Variants in CTF1 observed in about 807,000 individuals in gnomAD.
The protein encoded by CTF1 is cardiotrophin 1.
A neutral mutation model predicts 10.9 loss-of-function variants in CTF1; 9 were observed. That is an observed-to-expected ratio of 0.83 (90% CI 0.50 to 1.44). CTF1 has a LOEUF of 1.44. Ranked by LOEUF, CTF1 falls within the 40% of genes most tolerant of loss-of-function variation. The pLI is 0.00. For synonymous variants in CTF1, 133 were observed against 138.8 expected (o/e 0.96, Z 0.29); for missense variants, 259 against 275.3 (o/e 0.94, Z 0.42).
chr16:30,902,393 C>G lies in CTF1; in HGVS notation c.460C>G (p.Pro154Ala), dbSNP rs2055411012. 1 of 1,248,800 alleles carries G rather than the reference C, an allele frequency of 8.0e-7. No homozygotes were observed. Among genetic ancestry groups the G allele is most frequent in the Non-Finnish European group, 1.0e-6 (1 of 996,522 alleles). 77.4% of individuals were successfully genotyped at this position (1,248,800 alleles called of 1,614,324 possible). ...CGCCAACCGCGGGCCCCGGGCCGAG[C>G]CCCCCGCCGCCACCGCCTCAGCCGC... ...GAANRGPRAE[P>A]PAATASAASA... The change falls in exon 3 of 3, where the codon CCC becomes GCC. Residue 154 changes from proline (P) to alanine (A), a missense_variant. Pro to Ala is a conservative substitution (Grantham distance 27). Coordinates refer to ENST00000279804, the MANE Select transcript of CTF1 (RefSeq NM_001330.5).
At position 30,902,416 on chromosome 16, in the gene CTF1, C is replaced by T. The variant is rs1242511531; in HGVS notation, c.483C>T (p.Ala161=). The T allele has an allele frequency of 8.8e-6, 12 of 1,363,492 alleles. No individual in the cohort carries two copies. The highest frequency in any genetic ancestry group is 7.6e-6 in the Non-Finnish European group (8 of 1,053,810). 84.5% of individuals were successfully genotyped at this position (1,363,492 alleles called of 1,614,324 possible). A position where few individuals can be genotyped will look rare whatever the true frequency, so the allele number is the denominator to read the frequency against. Residue 161 remains alanine (A), a synonymous_variant, in exon 3 of 3, where the codon GCC becomes GCT. Transcript: ENST00000279804. The part of the protein sequence containing the change: ...RAEPPAATAS[A]ASATGVFPAK... ...AGCCCCCCGCCGCCACCGCCTCAGC[C>T]GCCTCCGCCACCGGGGTCTTCCCCG...
chr16:30,897,049 G>A (rs753051120), intron 1 of CTF1, among the ~76,000 whole-genome samples: 2 of 151,398 alleles, frequency 1.3e-5, no homozygotes, highest in African/African-American at 2.4e-5. Context: ...TGGAGTCACA[G>A]GAAGTAGTGA....
upstream of CTF1, chr16:30,896,577 G>T (rs2055351502): frequency 1.1e-5 from 14 of 1,243,718 alleles, no homozygotes; most frequent in Non-Finnish European, 1.3e-5. Context: ...CACGCCCCCA[G>T]CCCTTTCCCC....
chr16:30,897,950 G>A (rs923780801), intron 1 of CTF1, among the ~76,000 whole-genome samples: 2 of 149,760 alleles, frequency 1.3e-5, no homozygotes, highest in South Asian at 2.2e-4. Context: ...TGCCTCCTGG[G>A]TTCAAGCAAT....
rs1398278470 is a variant in CTF1 at position 30,902,833 on chromosome 16, C to T, written c.*294C>T. The T allele has an allele frequency of 1.5e-5, 4 of 270,562 alleles. No individual in the cohort carries two copies. The highest frequency in any genetic ancestry group is 4.4e-5 in the African/African-American group (2 of 45,082). The allele number at this position is 270,562 out of a possible 1,614,324, so 16.8% of individuals were successfully genotyped here. A position where few individuals can be genotyped will look rare whatever the true frequency, so the allele number is the denominator to read the frequency against. ...GACTACAGGCACGCGCCACCACAGC[C>T]GGCTAATTTTTTATTTAATTTTTTG... On this transcript the variant is annotated 3_prime_UTR_variant, in exon 3 of 3. Coordinates refer to ENST00000279804, the MANE Select transcript of CTF1 (RefSeq NM_001330.5).
At chr16:30,896,764 C>T in intron 1 of CTF1, 96 bp downstream of exon 1, 1 of 1,144,320 alleles carries the variant, frequency 8.7e-7, no homozygotes, top group Non-Finnish European at 1.1e-6. Flanking sequence ...CCCCCGGGTC[C>T]GGGAGGGGAG....
intron 2 of CTF1, among the ~76,000 whole-genome samples, chr16:30,899,967 G>T (rs1567330603): frequency 6.6e-6 from 1 of 152,146 alleles, no homozygotes; most frequent in South Asian, 2.1e-4. Flanking sequence ...TGCCCAGGCT[G>T]GTCTTGAACT....
At chr16:30,896,517 G>A (rs187088345), upstream of CTF1, 813 of 842,512 alleles carry the variant, frequency 9.6e-4, 4 homozygotes, top group African/African-American at 0.011. Context: ...TCAAAAGGGG[G>A]GGTAGGATGA....
rs1313195175 is a variant in CTF1, at chr16:30,896,687, G to C, written c.25+19G>C. 2 of 1,252,070 alleles carry C rather than the reference G, an allele frequency of 1.6e-6. No homozygotes were observed. Among genetic ancestry groups the C allele is most frequent in the African/African-American group, 1.5e-5 (1 of 64,592 alleles). The allele number at this position is 1,252,070 out of a possible 1,614,324, so 77.6% of individuals were successfully genotyped here. ...AGTCTGGGTAAGGGGCTGAGGGACC[G>C]GACGCCGGGTCGCTGAGGGGCGCAG... is the stretch of plus-strand genomic sequence containing the variant. On this transcript the variant is annotated intron_variant, in intron 1 of 2. Coordinates refer to ENST00000279804, the MANE Select transcript of CTF1 (RefSeq NM_001330.5).
At chr16:30,895,958 G>A (rs1413964833), upstream of CTF1, among the ~76,000 whole-genome samples, 1 of 151,248 alleles carries the variant, frequency 6.6e-6, no homozygotes, top group Non-Finnish European at 1.5e-5. Context: ...ACCAAGTATG[G>A]ATCATCCCTA....
At chr16:30,898,918 C>T (rs147236677) in intron 1 of CTF1, among the ~76,000 whole-genome samples, 75 of 152,140 alleles carry the variant, frequency 4.9e-4, no homozygotes, top group African/African-American at 1.6e-3. Flanking sequence ...CTTGGCCTCC[C>T]GAAATGCTAA....
At chr16:30,900,297 A>G (rs1234897629) in intron 2 of CTF1, among the ~76,000 whole-genome samples, 4 of 152,246 alleles carry the variant, frequency 2.6e-5, no homozygotes, top group Admixed American at 1.3e-4. Context: ...ACCCTGCCCA[A>G]GGAAAGAAAA....
rs1405204256 is a variant in CTF1, at chr16:30,902,134, G to T, written c.201G>T (p.Pro67=). Residue 67 remains proline (P), a synonymous_variant, in exon 3 of 3, where the codon CCG becomes CCT. Transcript: ENST00000279804. ...GLPSFSPPRL[P]VAGLSAPAPS... ...CCAGCTTCTCGCCGCCGCGGCTGCC[G>T]GTGGCCGGCCTGAGCGCCCCGGCTC... The T allele has an allele frequency of 2.1e-6, 3 of 1,409,184 alleles. No homozygotes were observed. Among genetic ancestry groups the T allele is most frequent in the Admixed American group, 5.1e-5 (2 of 39,372 alleles). 87.3% of individuals were successfully genotyped at this position (1,409,184 alleles called of 1,614,324 possible). A position where few individuals can be genotyped will look rare whatever the true frequency, so the allele number is the denominator to read the frequency against.
chr16:30,902,370 C>T lies in CTF1; in HGVS notation c.437C>T (p.Ala146Val). 1.7e-6 allele frequency: 2 copies of T among 1,189,164 alleles called. No homozygotes were observed. The highest frequency in any genetic ancestry group is 2.1e-6 in the Non-Finnish European group (2 of 963,228). The allele number at this position is 1,189,164 out of a possible 1,614,324, so 73.7% of individuals were successfully genotyped here. A position where few individuals can be genotyped will look rare whatever the true frequency, so the allele number is the denominator to read the frequency against. The change falls in exon 3 of 3, where the codon GCC (alanine) becomes GTC (valine). Residue 146 changes from alanine (A) to valine (V), a missense_variant. Ala to Val is a moderately conservative substitution (Grantham distance 64). Transcript: ENST00000279804. Reference sequence around the variant, plus strand: ...GCCTTGCTGGCCGCGCTGGGCGCCGCCAACCGCGGGCCCCGGGCCGAGCCC... The same window carrying T: ...GCCTTGCTGGCCGCGCTGGGCGCCGTCAACCGCGGGCCCCGGGCCGAGCCC... ...VEALLAALGA[A>V]NRGPRAEPPA...
chr16:30,897,161 C>T (rs940735762), intron 1 of CTF1, among the ~76,000 whole-genome samples: 1 of 152,136 alleles, frequency 6.6e-6, no homozygotes. Context: ...GGACTACATT[C>T]CCCAGCACGC....
At chr16:30,896,313 T>A (rs1219337888), upstream of CTF1, among the ~76,000 whole-genome samples, 1 of 152,134 alleles carries the variant, frequency 6.6e-6, no homozygotes, top group East Asian at 1.9e-4. Context: ...TCTCCTCAGC[T>A]TTACACCCAA....
At chr16:30,901,390 AG>A (rs2055399159) in intron 2 of CTF1, among the ~76,000 whole-genome samples, 1 of 152,190 alleles carries the variant, frequency 6.6e-6, no homozygotes, top group Non-Finnish European at 1.5e-5. Context: ...GGCTCAGAGA[AG>A]GGAAGTGGTT....
Position 30,902,208 on chromosome 16 carries a change from CGGCG to C in CTF1, c.276_279del (p.Ala93TrpfsTer18), listed in dbSNP as rs971708550. The C allele has an allele frequency of 3.4e-6, 4 of 1,167,158 alleles. No individual in the cohort carries two copies. Among genetic ancestry groups the C allele is most frequent in the African/African-American group, 1.6e-5 (1 of 61,548 alleles). 72.3% of individuals were successfully genotyped at this position (1,167,158 alleles called of 1,614,324 possible). A position where few individuals can be genotyped will look rare whatever the true frequency, so the allele number is the denominator to read the frequency against. On this transcript the variant is annotated frameshift_variant, in exon 3 of 3. Coordinates refer to ENST00000279804, the MANE Select transcript of CTF1 (RefSeq NM_001330.5). LOFTEE classifies it high-confidence loss of function. The stretch of plus-strand genomic sequence containing the variant: ...CACGAGCGGCTGCGGCTGGACGCGG[CGGCG>C]CTGGCCGCGCTGCCCCCGCTGCTGG...
intron 1 of CTF1, among the ~76,000 whole-genome samples, chr16:30,897,175 G>C (rs1235428088): frequency 2.0e-5 from 3 of 152,278 alleles, no homozygotes; most frequent in Non-Finnish European, 4.4e-5. Context: ...AGCACGCATC[G>C]GGCGCGCGCT....
Sources: gnomAD v4.1 joint callset for allele counts (sites outside exome capture counted in the v4.1 genomes callset) on GRCh38, gnomAD v4.1.1 for gene constraint, MANE v1.5 for transcripts, NCBI Gene and HGNC (gene_info 2026-07-23, HGNC 2026-07-21) for gene names.